PTPRN2: variants seen among roughly 807,000 people sequenced by gnomAD.
PTPRN2 encodes protein tyrosine phosphatase receptor type N2.
In PTPRN2, 74 loss-of-function variants were observed where a neutral mutation model predicts 118.8. The ratio of observed to expected loss-of-function variants is 0.62; its 90% CI spans 0.52 to 0.76. PTPRN2 has a LOEUF of 0.76. PTPRN2 is among the 30% of genes least tolerant of loss of function. The pLI is 0.00. For missense variants in PTPRN2, 1,481 were observed against 1,394.4 expected (o/e 1.06, Z -0.99); for synonymous variants, 641 against 608.0 (o/e 1.05, Z -0.80).
At position 157,837,261 on chromosome 7, in the gene PTPRN2, C is replaced by T. The variant is rs1395970960; in HGVS notation, c.1788+61412G>A. Reference sequence around the variant, plus strand: ...TCCACCCTTCCATGTGTCCCTCCACCCATCCACCCACCCATCCACTCACCA... The same window carrying T: ...TCCACCCTTCCATGTGTCCCTCCACTCATCCACCCACCCATCCACTCACCA... On this transcript the variant is annotated intron_variant, in intron 12 of 22. Transcript: ENST00000389418. Among the ~76,000 whole-genome samples, 3 of 44,100 alleles carry T rather than the reference C, an allele frequency of 6.8e-5. No homozygotes were observed. In the East Asian group the frequency reaches 1.9e-3, roughly 28 times the overall value. The allele number at this position is 44,100 out of a possible 152,430, so 28.9% of individuals were successfully genotyped here. A position where few individuals can be genotyped will look rare whatever the true frequency, so the allele number is the denominator to read the frequency against.
intron 2 of PTPRN2, among the ~76,000 whole-genome samples, chr7:158,423,065 G>A (rs1011655225): frequency 1.3e-5 from 2 of 152,202 alleles, no homozygotes; most frequent in African/African-American, 4.8e-5. Flanking sequence ...CTGCTACTCA[G>A]CCCAAAGCAA....
In PTPRN2 at chr7:158,585,931, C is replaced by A. The variant is rs1828882054; in HGVS notation, c.112+1627G>T. The stretch of plus-strand genomic sequence containing the variant: ...GAAGGAATACAACCCCAGCAAGAGG[C>A]CACTGGTGCACAGCTGGGCCTTCTT... On this transcript the variant is annotated intron_variant, in intron 1 of 22. Coordinates refer to ENST00000389418, the MANE Select transcript of PTPRN2 (RefSeq NM_002847.5). Among the ~76,000 whole-genome samples the A allele has an allele frequency of 2.6e-5, 4 of 152,214 alleles. No homozygotes were observed. In the South Asian group the frequency reaches 8.3e-4, roughly 32 times the overall value.
At chr7:158,440,936 T>C (rs370585679) in intron 2 of PTPRN2, among the ~76,000 whole-genome samples, 2,063 of 145,780 alleles carry the variant, frequency 0.014, 129 homozygotes, top group African/African-American at 0.053. Flanking sequence ...GTGGTGATGG[T>C]GGTGGTGATG....
intron 11 of PTPRN2, among the ~76,000 whole-genome samples, chr7:158,066,275 C>T (rs1309579769): frequency 1.3e-5 from 2 of 152,174 alleles, no homozygotes; most frequent in East Asian, 3.8e-4. Flanking sequence ...TGGATGAGTC[C>T]CCTCCATTCA....
chr7:158,245,291 A>G (rs551985895), intron 3 of PTPRN2, among the ~76,000 whole-genome samples: 62 of 150,430 alleles, frequency 4.1e-4, no homozygotes, highest in African/African-American at 1.4e-3. Flanking sequence ...TGGCCATGCC[A>G]GAATCCGTGG....
intron 3 of PTPRN2, among the ~76,000 whole-genome samples, chr7:158,246,220 C>T (rs1023870821): frequency 1.8e-4 from 28 of 151,720 alleles, no homozygotes; most frequent in Non-Finnish European, 3.7e-4. Context: ...TATAAATACC[C>T]CACATGAATA....
intron 3 of PTPRN2, among the ~76,000 whole-genome samples, chr7:158,296,316 G>A (rs1266632960): frequency 2.6e-5 from 4 of 152,150 alleles, no homozygotes; most frequent in South Asian, 2.1e-4. Context: ...GGTAGTTGGA[G>A]GAGAGCCTGG....
At chr7:157,728,619 G>A (rs1355709149) in intron 12 of PTPRN2, among the ~76,000 whole-genome samples, 1 of 152,242 alleles carries the variant, frequency 6.6e-6, no homozygotes, top group East Asian at 1.9e-4. Flanking sequence ...TTTTGAAGAG[G>A]TGGGGAAAGG....
intron 5 of PTPRN2, among the ~76,000 whole-genome samples, chr7:158,175,818 G>A (rs1223557942): frequency 6.6e-6 from 1 of 152,152 alleles, no homozygotes; most frequent in African/African-American, 2.4e-5. Flanking sequence ...ATCACGGGGT[G>A]CCAATGTGAA....
intron 11 of PTPRN2, among the ~76,000 whole-genome samples, chr7:158,034,233 A>G (rs572588734): frequency 6.9e-6 from 1 of 144,700 alleles, no homozygotes; most frequent in Admixed American, 6.7e-5. Context: ...CTCAATAGAA[A>G]CTCTGCATGC....
intron 11 of PTPRN2, among the ~76,000 whole-genome samples, chr7:157,996,627 G>A (rs1482334322): frequency 6.6e-6 from 1 of 152,212 alleles, no homozygotes; most frequent in Non-Finnish European, 1.5e-5. Context: ...TGCTCTGGCT[G>A]GTGTGGACAA....
intron 2 of PTPRN2, among the ~76,000 whole-genome samples, chr7:158,341,363 T>TGCGCCC (rs1806737670): frequency 8.5e-6 from 1 of 118,026 alleles, no homozygotes; most frequent in African/African-American, 3.6e-5. Flanking sequence ...AGGTAACACA[T>TGCGCCC]GCAGACGTCA....
intron 14 of PTPRN2, among the ~76,000 whole-genome samples, chr7:157,634,443 T>C (rs1012927928): frequency 6.6e-6 from 1 of 152,186 alleles, no homozygotes; most frequent in African/African-American, 2.4e-5. Flanking sequence ...TAACTGCCCA[T>C]AGCTAAACCC....
chr7:157,825,109 A>T (rs759549756), intron 12 of PTPRN2, among the ~76,000 whole-genome samples: 1 of 152,182 alleles, frequency 6.6e-6, no homozygotes, highest in East Asian at 1.9e-4. Context: ...TCTGGTCTGT[A>T]GCTGGACACG....
intron 20 of PTPRN2, among the ~76,000 whole-genome samples, chr7:157,569,871 C>G (rs575006119): frequency 6.6e-6 from 1 of 152,200 alleles, no homozygotes; most frequent in African/African-American, 2.4e-5. Context: ...TGTGACTTTC[C>G]GGAAAACGAA....
At chr7:157,576,018 T>G (rs1800018229) in intron 19 of PTPRN2, among the ~76,000 whole-genome samples, 1 of 152,206 alleles carries the variant, frequency 6.6e-6, no homozygotes, top group Non-Finnish European at 1.5e-5. Flanking sequence ...AATTTCTTCC[T>G]GTAAGACAGA....
chr7:158,520,838 A>C (rs1349022759), intron 1 of PTPRN2, among the ~76,000 whole-genome samples: 1 of 152,166 alleles, frequency 6.6e-6, no homozygotes, highest in Non-Finnish European at 1.5e-5. Flanking sequence ...ATGTCTGAGC[A>C]CCAGATCGGT....
intron 12 of PTPRN2, among the ~76,000 whole-genome samples, chr7:157,834,081 G>C (rs1807770423): frequency 1.3e-5 from 2 of 151,984 alleles, no homozygotes; most frequent in Admixed American, 1.3e-4. Flanking sequence ...CATTCCCTGT[G>C]ATCAATCCAT....
rs1810256658 is a variant in PTPRN2 at position 157,861,733 on chromosome 7, T to C, written c.1788+36940A>G. ...CCCTTCCTGACTCCCAGCCTCTGCG[T>C]TGCCAGCAGCCCTCGGCCCACAGAC... On this transcript the variant is annotated intron_variant, in intron 12 of 22. Coordinates refer to ENST00000389418, the MANE Select transcript of PTPRN2 (RefSeq NM_002847.5). The surrounding 1 kb of genome is among the most constrained non-coding windows in gnomAD (Gnocchi z 5.8). 6.6e-6 allele frequency among the ~76,000 whole-genome samples: 1 copy of C among 152,212 alleles called. No homozygotes were observed. The highest frequency in any genetic ancestry group is 2.4e-5 in the African/African-American group (1 of 41,464).
Sources: allele counts gnomAD v4.1 joint callset (sites outside exome capture counted in the v4.1 genomes callset), GRCh38; gene constraint gnomAD v4.1.1; non-coding constraint Gnocchi (gnomAD v3.1); transcripts MANE v1.5; gene names NCBI Gene and HGNC (gene_info 2026-07-23, HGNC 2026-07-21).